The following LRCH3 variants were observed in gnomAD, a reference collection of about 807,000 sequenced individuals.
LRCH3 encodes leucine rich repeats and calponin homology domain containing 3.
LRCH3 carries 68 observed loss-of-function variants against 104.5 expected under a neutral mutation model. The observed-to-expected ratio is 0.65, with a 90% confidence interval of 0.54 to 0.80. The LOEUF is 0.80. Ranked by LOEUF, LRCH3 falls within the 30% of genes least tolerant of loss-of-function variation. LRCH3 has a pLI of 0.00. For synonymous variants in LRCH3, 344 were observed against 361.3 expected (o/e 0.95, Z 0.54); for missense variants, 951 against 953.9 (o/e 1.00, Z 0.04).
chr3:197,791,227 G>A, upstream of LRCH3: 2 of 1,584,662 alleles, frequency 1.3e-6, no homozygotes, highest in Admixed American at 3.6e-5. Context: ...CCACCCAGCG[G>A]TCCGGCCGCG....
intron 1 of LRCH3, among the ~76,000 whole-genome samples, chr3:197,812,613 GCT>G (rs1733308790): frequency 6.8e-6 from 1 of 147,404 alleles, no homozygotes; most frequent in Non-Finnish European, 1.5e-5. Flanking sequence ...TCATATGGTG[GCT>G]CTGTTTTTAG....
rs1400154582 is a variant in LRCH3 at position 197,866,290 on chromosome 3, T to C, written c.1873+71T>C. On this transcript the variant is annotated intron_variant, in intron 17 of 20. Coordinates refer to ENST00000425562, the MANE Select transcript of LRCH3 (RefSeq NM_001365715.1). ...ACAACGACGCTAGCTGTTAGATGGA[T>C]GCTTTTAAACTTCTGCATATAGTAT... is the stretch of plus-strand genomic sequence containing the variant. The C allele has an allele frequency of 2.8e-6, 3 of 1,081,058 alleles. No homozygotes were observed. The African/African-American group carries it at 4.7e-5, about 17-fold the overall frequency. The allele number at this position is 1,081,058 out of a possible 1,614,324, so 67.0% of individuals were successfully genotyped here. A position where few individuals can be genotyped will look rare whatever the true frequency, so the allele number is the denominator to read the frequency against.
chr3:197,880,964 C>G, intron 20 of LRCH3: 2 of 1,361,750 alleles, frequency 1.5e-6, no homozygotes, highest in Non-Finnish European at 1.9e-6. Flanking sequence ...ATTCTCCTGG[C>G]CTGTGGCCTT....
intron 12 of LRCH3, among the ~76,000 whole-genome samples, chr3:197,851,362 G>A (rs1390002079): frequency 6.6e-6 from 1 of 152,072 alleles, no homozygotes; most frequent in Non-Finnish European, 1.5e-5. Flanking sequence ...TGAGAAGAGA[G>A]AGACTTCTGA....
At chr3:197,816,580 G>A (rs12106914) in intron 2 of LRCH3, among the ~76,000 whole-genome samples, 2,079 of 152,120 alleles carry the variant, frequency 0.014, 31 homozygotes, top group African/African-American at 0.039. Flanking sequence ...GCGCCCAGCC[G>A]ATAGATGTGT....
chr3:197,815,970 TG>T (rs1218891631), intron 2 of LRCH3, among the ~76,000 whole-genome samples: 4 of 152,220 alleles, frequency 2.6e-5, no homozygotes, highest in Non-Finnish European at 5.9e-5. Flanking sequence ...AAACTATTTT[TG>T]TATGTAATTA....
intron 1 of LRCH3, among the ~76,000 whole-genome samples, chr3:197,797,871 AAAC>A (rs1164907911): frequency 2.0e-3 from 28 of 14,272 alleles, no homozygotes; most frequent in Middle Eastern, 0.071. Context: ...AAAAAAAAAA[AAAC>A]AAAAAAAACA....
At position 197,866,170 on chromosome 3, in the gene LRCH3, C is replaced by T. The variant is rs761935258; in HGVS notation, c.1824C>T (p.Arg608=). The change falls in exon 17 of 21, where the codon CGC becomes CGT. Residue 608 remains arginine, a synonymous_variant. Coordinates refer to ENST00000425562, the MANE Select transcript of LRCH3 (RefSeq NM_001365715.1). ...PAAIQRNQPQ[R]PESFLFRAGV... is the part of the protein sequence containing the mutation. ...CTATCCAGAGAAATCAGCCTCAGCGCCCTGAAAGCTTCCTTTTCCGAGCAG... is the reference window on the plus strand; with the variant it reads ...CTATCCAGAGAAATCAGCCTCAGCGTCCTGAAAGCTTCCTTTTCCGAGCAG... 53 of 1,614,136 alleles carry T rather than the reference C, an allele frequency of 3.3e-5. No homozygotes were observed. The Middle Eastern group carries it at 1.2e-3, about 35-fold the overall frequency.
At chr3:197,825,605 G>A (rs1261844033) in intron 4 of LRCH3, among the ~76,000 whole-genome samples, 8 of 146,340 alleles carry the variant, frequency 5.5e-5, no homozygotes, top group African/African-American at 1.8e-4. Context: ...TCAGCCTCCC[G>A]AGTAGCTGGG....
At chr3:197,824,985 T>A (rs1216558951) in intron 4 of LRCH3, among the ~76,000 whole-genome samples, 1 of 152,230 alleles carries the variant, frequency 6.6e-6, no homozygotes, top group East Asian at 1.9e-4. Flanking sequence ...CAAGAACACG[T>A]CATGGGAGAA....
At chr3:197,817,860 A>G (rs1341034172) in intron 3 of LRCH3, among the ~76,000 whole-genome samples, 1 of 152,112 alleles carries the variant, frequency 6.6e-6, no homozygotes, top group Non-Finnish European at 1.5e-5. Context: ...TTGCTCTGTC[A>G]CCTAGGCTGG....
At chr3:197,809,538 GTTAGA>G (rs1490603391) in intron 1 of LRCH3, among the ~76,000 whole-genome samples, 2 of 150,904 alleles carry the variant, frequency 1.3e-5, no homozygotes, top group Non-Finnish European at 2.9e-5. Context: ...TGACATGAGT[GTTAGA>G]TTATTGTTAC....
At chr3:197,871,540 T>C (rs1712194892) in intron 19 of LRCH3, 78 bp downstream of exon 19, 9 of 1,572,940 alleles carry the variant, frequency 5.7e-6, no homozygotes, top group South Asian at 5.7e-5. Context: ...TTCTTAAGCA[T>C]TGTGCTAGAT....
chr3:197,826,902 G>C lies in LRCH3; in HGVS notation c.665G>C (p.Arg222Pro). Reference protein sequence around the residue: ...PEELAELPLIRLDFSCNKITT... With the variant: ...PEELAELPLIPLDFSCNKITT... ...GAGCTGGCGGAGTTGCCTTTGATAC[G>C]GTTAGACTTCTCATGCAATAAAATT... The change falls in exon 5 of 21, where the codon CGG (arginine) becomes CCG (proline). Residue 222 changes from arginine (R) to proline (P), a missense_variant. Arg to Pro is a moderately radical substitution (Grantham distance 103). Coordinates refer to ENST00000425562, the MANE Select transcript of LRCH3 (RefSeq NM_001365715.1). 6.2e-7 allele frequency: 1 copy of C among 1,614,012 alleles called. No individual in the cohort carries two copies. Among genetic ancestry groups the C allele is most frequent in the Non-Finnish European group, 8.5e-7 (1 of 1,180,010 alleles).
At chr3:197,807,319 C>G (rs1178166667) in intron 1 of LRCH3, among the ~76,000 whole-genome samples, 3 of 151,498 alleles carry the variant, frequency 2.0e-5, no homozygotes, top group Admixed American at 2.0e-4. Context: ...CGGGTTCACA[C>G]CATTCTCCTG....
intron 1 of LRCH3, among the ~76,000 whole-genome samples, chr3:197,804,396 A>C (rs1732242143): frequency 6.6e-6 from 1 of 152,164 alleles, no homozygotes; most frequent in Non-Finnish European, 1.5e-5. Context: ...GATGTTAGCA[A>C]GTCCTTTTAG....
At chr3:197,839,292 A>T (rs367558072) in intron 9 of LRCH3, 29 bp from the exon 10 acceptor site, 1 of 1,494,176 alleles carries the variant, frequency 6.7e-7, no homozygotes, top group East Asian at 2.3e-5. Context: ...TAATATACTA[A>T]ATTTATTTAT....
rs922108811 is a variant in LRCH3 at position 197,887,884 on chromosome 3, C to G, written c.*4218C>G. Reference sequence around the variant, plus strand: ...GCCACGTACAGAGATTTTCTGTCAGCAGTTTCCCAGTATTTCAGACTCATA... The same window carrying G: ...GCCACGTACAGAGATTTTCTGTCAGGAGTTTCCCAGTATTTCAGACTCATA... On this transcript the variant is annotated 3_prime_UTR_variant, in exon 21 of 21. Coordinates refer to ENST00000425562, the MANE Select transcript of LRCH3 (RefSeq NM_001365715.1). 1 of 153,860 alleles carries G rather than the reference C, an allele frequency of 6.5e-6. No homozygotes were observed. Among genetic ancestry groups the G allele is most frequent in the East Asian group, 1.9e-4 (1 of 5,200 alleles). The allele number at this position is 153,860 out of a possible 1,614,324, so 9.5% of individuals were successfully genotyped here. A position where few individuals can be genotyped will look rare whatever the true frequency, so the allele number is the denominator to read the frequency against.
intron 1 of LRCH3, among the ~76,000 whole-genome samples, chr3:197,813,609 C>T (rs908738326): frequency 3.0e-5 from 4 of 135,344 alleles, no homozygotes; most frequent in East Asian, 2.3e-4. Context: ...CTGCTCACTG[C>T]AACCTCTGCC....
Sources: gnomAD v4.1 joint callset for allele counts (sites outside exome capture counted in the v4.1 genomes callset) on GRCh38, gnomAD v4.1.1 for gene constraint, MANE v1.5 for transcripts, NCBI Gene and HGNC (gene_info 2026-07-23, HGNC 2026-07-21) for gene names.